The following DNM3 variants were observed in gnomAD, a reference collection of about 807,000 sequenced individuals.
DNM3 encodes dynamin-3.
In DNM3, 47 loss-of-function variants were observed where a neutral mutation model predicts 101.6. That is an observed-to-expected ratio of 0.46 (90% CI 0.37 to 0.59). DNM3 has a LOEUF of 0.59. Ranked by LOEUF, DNM3 falls within the 20% of genes least tolerant of loss-of-function variation. The pLI is 0.00. For synonymous variants in DNM3, 385 were observed against 387.9 expected, an observed-to-expected ratio of 0.99 and a Z score of 0.09; for missense variants, 849 against 1,085.7, an observed-to-expected ratio of 0.78 and a Z score of 3.06.
At chr1:172,405,371 C>T (rs956953283) in intron 20 of DNM3, among the ~76,000 whole-genome samples, 3 of 151,976 alleles carry the variant, frequency 2.0e-5, no homozygotes, top group Non-Finnish European at 2.9e-5. Flanking sequence ...TTACGTGCTA[C>T]GAGAGACACA....
chr1:172,228,070 AC>A (rs1442344906), intron 14 of DNM3, among the ~76,000 whole-genome samples: 1 of 151,948 alleles, frequency 6.6e-6, no homozygotes, highest in Non-Finnish European at 1.5e-5. Context: ...ATGGCTATTA[AC>A]TTTTATTCAT....
chr1:172,168,688 C>A (rs1311684540), intron 14 of DNM3, among the ~76,000 whole-genome samples: 1 of 151,932 alleles, frequency 6.6e-6, no homozygotes, highest in Non-Finnish European at 1.5e-5. Flanking sequence ...CACAGCAGAC[C>A]TCTATACAGG....
At chr1:172,358,259 T>C (rs57668887) in intron 17 of DNM3, among the ~76,000 whole-genome samples, 56,981 of 151,950 alleles carry the variant, frequency 0.37, 11,701 homozygotes, top group African/African-American at 0.54. Flanking sequence ...TGTGTATATG[T>C]GTGTGTGCGT....
At chr1:172,355,318 A>T (rs990397787) in intron 17 of DNM3, among the ~76,000 whole-genome samples, 6 of 152,158 alleles carry the variant, frequency 3.9e-5, no homozygotes, top group Admixed American at 1.3e-4. Flanking sequence ...GACTATATTT[A>T]AAAAATTTAA....
chr1:172,138,234 C>T (rs2057358760), intron 14 of DNM3: 1 of 151,286 alleles, frequency 6.6e-6, no homozygotes, highest in Non-Finnish European at 1.5e-5. Flanking sequence ...TGTGTTTTGC[C>T]CAGACCCAGA....
intron 14 of DNM3, among the ~76,000 whole-genome samples, chr1:172,204,000 T>A (rs1251179558): frequency 6.6e-6 from 1 of 152,072 alleles, no homozygotes; most frequent in African/African-American, 2.4e-5. Flanking sequence ...GTACCAAGGG[T>A]GTCATTGCTA....
At chr1:172,192,772 A>T (rs921635385) in intron 14 of DNM3, among the ~76,000 whole-genome samples, 2 of 151,512 alleles carry the variant, frequency 1.3e-5, no homozygotes, top group African/African-American at 2.4e-5. Flanking sequence ...AATCCAGTCT[A>T]TCATTGTTGG....
intron 13 of DNM3, among the ~76,000 whole-genome samples, chr1:172,108,775 A>G (rs1339464957): frequency 6.6e-6 from 1 of 152,138 alleles, no homozygotes; most frequent in African/African-American, 2.4e-5. Context: ...TGCACTGTAC[A>G]CTTGCCTTAC....
intron 14 of DNM3, among the ~76,000 whole-genome samples, chr1:172,219,643 C>T (rs115087770): frequency 1.4e-4 from 21 of 152,056 alleles, no homozygotes; most frequent in Non-Finnish European, 2.1e-4. Flanking sequence ...CTTTTTAGAA[C>T]GCAAAAGACT....
Position 172,411,983 on chromosome 1 carries a change from C to T in DNM3, c.*4142C>T, listed in dbSNP as rs1573796882. On this transcript the variant is annotated 3_prime_UTR_variant, in exon 21 of 21. Coordinates refer to ENST00000627582, the MANE Select transcript of DNM3 (RefSeq NM_015569.5). ...TTGCTATGTTTAAAATTATGTGGTG[C>T]TGTGTAGGTGAAACTTTAAGAATAT... 1.0e-6 allele frequency: 1 copy of T among 985,516 alleles called. No homozygotes were observed. The highest frequency in any genetic ancestry group is 1.2e-6 in the Non-Finnish European group (1 of 829,846). The allele number at this position is 985,516 out of a possible 1,614,324, so 61.0% of individuals were successfully genotyped here. A position where few individuals can be genotyped will look rare whatever the true frequency, so the allele number is the denominator to read the frequency against.
At chr1:172,006,767 T>C (rs945400560) in intron 4 of DNM3, among the ~76,000 whole-genome samples, 2 of 152,052 alleles carry the variant, frequency 1.3e-5, no homozygotes, top group Non-Finnish European at 2.9e-5. Context: ...AACATTTTCA[T>C]CACCCATAAA....
Position 172,129,092 on chromosome 1 carries a change from C to G in DNM3, c.1546-2083C>G, listed in dbSNP as rs142729567. Among the ~76,000 whole-genome samples the G allele has an allele frequency of 5.8e-3, 885 of 152,230 alleles. 10 individuals are homozygous for G. The highest frequency in any genetic ancestry group is 0.02 in the African/African-American group (839 of 41,518). On this transcript the variant is annotated intron_variant, in intron 13 of 20. Coordinates refer to ENST00000627582, the MANE Select transcript of DNM3 (RefSeq NM_015569.5). ...GCACCCTTGCTCTGCATCTCTGATA[C>G]AATGAAATAACTAGTATATTTTCAT...
At chr1:171,977,196 C>T (rs2044439705) in intron 2 of DNM3, among the ~76,000 whole-genome samples, 1 of 152,116 alleles carries the variant, frequency 6.6e-6, no homozygotes, top group African/African-American at 2.4e-5. Flanking sequence ...CAAGAGGAAG[C>T]AAAAAAGAGC....
At chr1:171,936,392 A>G (rs944969983) in intron 2 of DNM3, among the ~76,000 whole-genome samples, 5 of 150,776 alleles carry the variant, frequency 3.3e-5, no homozygotes, top group Admixed American at 1.3e-4. Context: ...TTGGCGGGTT[A>G]TAACAGTAAA....
rs138516488 is a variant in DNM3 at position 172,168,337 on chromosome 1, T to C, written c.1659+37049T>C. 8.6e-3 allele frequency among the ~76,000 whole-genome samples: 1,304 copies of C among 152,118 alleles called. 25 individuals are homozygous for C. The highest frequency in any genetic ancestry group is 0.029 in the African/African-American group (1,217 of 41,538). On this transcript the variant is annotated intron_variant, in intron 14 of 20. Transcript: ENST00000627582. ...TTTCCTCACTATGGGCTATCATTTCTCCTTGTATGTGTTAACACAGAGAAT... is the reference window on the plus strand; with the variant it reads ...TTTCCTCACTATGGGCTATCATTTCCCCTTGTATGTGTTAACACAGAGAAT...
At chr1:172,368,475 C>T (rs1265739652) in intron 17 of DNM3, among the ~76,000 whole-genome samples, 1 of 151,560 alleles carries the variant, frequency 6.6e-6, no homozygotes, top group East Asian at 1.9e-4. Context: ...ACAGCAAAAG[C>T]AGTAGTAAGA....
chr1:172,012,067 A>G (rs144412172), intron 4 of DNM3, among the ~76,000 whole-genome samples: 2,287 of 152,086 alleles, frequency 0.015, 53 homozygotes, highest in African/African-American at 0.052. Flanking sequence ...CCAGCTTTTC[A>G]TTATGTCAGC....
At chr1:172,036,950 A>G (rs2125819414) in intron 6 of DNM3, among the ~76,000 whole-genome samples, 1 of 149,524 alleles carries the variant, frequency 6.7e-6, no homozygotes, top group East Asian at 1.9e-4. Flanking sequence ...AATTTACAAG[A>G]AAAAAACAAC....
chr1:172,252,917 A>G (rs2062234757), intron 14 of DNM3, among the ~76,000 whole-genome samples: 1 of 152,060 alleles, frequency 6.6e-6, no homozygotes. Context: ...CTTCTAATGA[A>G]TTTTTCCCCA....
Sources: allele counts gnomAD v4.1 joint callset (sites outside exome capture counted in the v4.1 genomes callset), GRCh38; gene constraint gnomAD v4.1.1; transcripts MANE v1.5; gene names NCBI Gene and HGNC (gene_info 2026-07-23, HGNC 2026-07-21).